Variants in LY75 observed in about 807,000 individuals in gnomAD.
LY75 encodes the protein C-type lectin domain family 13 member B.
In LY75, 185 loss-of-function variants were observed where a neutral mutation model predicts 231.7. That is an observed-to-expected ratio of 0.80 (90% CI 0.71 to 0.90). LY75 has a LOEUF of 0.90. Ranked by LOEUF, LY75 falls within the 40% of genes least tolerant of loss-of-function variation. The pLI is 0.00. For synonymous variants in LY75, 668 were observed against 689.0 expected, an observed-to-expected ratio of 0.97 and a Z score of 0.48; for missense variants, 1,947 against 2,050.2, an observed-to-expected ratio of 0.95 and a Z score of 0.97.
intron 1 of LY75, 91 bp downstream of exon 1, chr2:159,904,498 C>T: frequency 7.4e-7 from 1 of 1,352,668 alleles, no homozygotes; most frequent in South Asian, 1.5e-5. Context: ...TGACCTGCCC[C>T]AGGGGCGCAG....
intron 8 of LY75, among the ~76,000 whole-genome samples, chr2:159,880,527 C>A (rs1304529657): frequency 6.6e-6 from 1 of 152,172 alleles, no homozygotes; most frequent in Non-Finnish European, 1.5e-5. Context: ...AATCAGTCAG[C>A]ACAAGAATGT....
chr2:159,819,588 C>T lies in LY75; in HGVS notation c.4153+138G>A, dbSNP rs1683225223. ...ACAGCAGGGCCCGTATCTTTTCCTT[C>T]CTCGATAACCTCTGTAACACCTCGC... On this transcript the variant is annotated intron_variant, in intron 29 of 34. Coordinates refer to ENST00000263636, the MANE Select transcript of LY75 (RefSeq NM_002349.4). 3 of 1,058,546 alleles carry T rather than the reference C, an allele frequency of 2.8e-6. No individual in the cohort carries two copies. The East Asian group carries it at 7.8e-5, about 28-fold the overall frequency. The allele number at this position is 1,058,546 out of a possible 1,614,324, so 65.6% of individuals were successfully genotyped here.
intron 28 of LY75, among the ~76,000 whole-genome samples, chr2:159,826,580 T>G (rs1683475688): frequency 6.6e-6 from 1 of 152,180 alleles, no homozygotes; most frequent in Admixed American, 6.5e-5. Context: ...TACCACTGAC[T>G]TTCTTCACAG....
chr2:159,807,839 G>A, intron 33 of LY75: 1 of 976,550 alleles, frequency 1.0e-6, no homozygotes, highest in Middle Eastern at 5.3e-4. Context: ...CCTAAACCCT[G>A]TATCTACTAT....
intron 12 of LY75, 26 bp downstream of exon 12, chr2:159,875,418 A>G (rs755845493): frequency 6.2e-7 from 1 of 1,604,724 alleles, no homozygotes; most frequent in East Asian, 2.2e-5. Context: ...ACTTCATTGA[A>G]GGATAGAATG....
At position 159,850,083 on chromosome 2, in the gene LY75, C is replaced by T; in HGVS notation, c.3047G>A (p.Trp1016Ter). 4 of 1,613,816 alleles carry T rather than the reference C, an allele frequency of 2.5e-6. No individual in the cohort carries two copies. The highest frequency in any genetic ancestry group is 3.4e-6 in the Non-Finnish European group (4 of 1,179,904). ...MEATLWIGLR[W>*]TAYEKINKWT... is the part of the protein sequence containing the mutation. ...TTTGTTTATCTTTTCATAGGCAGTC[C>T]AGCGCAAACCAATCCATAAAGTAGC... Residue 1016 changes from tryptophan (W) to a stop codon, truncating the protein, a stop_gained, in exon 23 of 35, where the codon TGG (tryptophan) becomes TAG (stop). Transcript: ENST00000263636. LOFTEE classifies it high-confidence loss of function.
In LY75 at chr2:159,810,589, A is replaced by T. The variant is rs1682929503; in HGVS notation, c.4636T>A (p.Cys1546Ser). 6.2e-7 allele frequency: 1 copy of T among 1,614,202 alleles called. No individual in the cohort carries two copies. The highest frequency in any genetic ancestry group is 8.5e-7 in the Non-Finnish European group (1 of 1,180,020). The change falls in exon 32 of 35, where the codon TGT becomes AGT. Residue 1546 changes from cysteine to serine, a missense_variant. Coordinates refer to ENST00000263636, the MANE Select transcript of LY75 (RefSeq NM_002349.4). ...TGCAATGCCTGATCAGACTTGTAAC[A>T]GTGACCCTTGTACTGGATCCACCGT... The part of the protein sequence containing the change: ...GSRWIQYKGH[C>S]YKSDQALHSF...
intron 13 of LY75, among the ~76,000 whole-genome samples, chr2:159,870,009 C>A (rs1003878557): frequency 8.5e-5 from 13 of 152,192 alleles, no homozygotes; most frequent in African/African-American, 2.9e-4. Flanking sequence ...TAACACTGGA[C>A]AATGATGTCT....
intron 3 of LY75, among the ~76,000 whole-genome samples, chr2:159,891,027 C>T (rs765838336): frequency 6.6e-6 from 1 of 152,028 alleles, no homozygotes; most frequent in Non-Finnish European, 1.5e-5. Flanking sequence ...AAGCTGTTTC[C>T]TGAATGAGAA....
In LY75 at chr2:159,840,810, C is replaced by G. The variant is rs145865267; in HGVS notation, c.3426G>C (p.Thr1142=). 1.2e-6 allele frequency: 2 copies of G among 1,613,934 alleles called. No individual in the cohort carries two copies. The highest frequency in any genetic ancestry group is 2.7e-5 in the African/African-American group (2 of 74,880). Residue 1142 remains threonine (T), a synonymous_variant, in exon 25 of 35, where the codon ACG becomes ACC. Transcript: ENST00000263636. ...TGAGGAATGCCTGCTGGTAAGGGTC[C>G]GTGATGCTCACCAGCTGCATGTTAC... ...LKSNMQLVSI[T]DPYQQAFLSV...
intron 15 of LY75, among the ~76,000 whole-genome samples, chr2:159,859,329 T>C (rs1280327206): frequency 2.0e-5 from 3 of 152,230 alleles, no homozygotes; most frequent in Non-Finnish European, 2.9e-5. Flanking sequence ...TCAGTTCTTA[T>C]ATCCCTCAGC....
chr2:159,852,445 T>C (rs1574559063), intron 20 of LY75, 105 bp from the exon 21 acceptor site: 13 of 1,458,060 alleles, frequency 8.9e-6, no homozygotes, highest in East Asian at 4.7e-5. Context: ...TGAGACAGAG[T>C]CTCGCTCTGT....
At chr2:159,882,426 T>C in intron 6 of LY75, 111 bp from the exon 7 acceptor site, 1 of 1,410,306 alleles carries the variant, frequency 7.1e-7, no homozygotes, top group Non-Finnish European at 9.5e-7. Flanking sequence ...ACTGGGGACG[T>C]GATGTCAGAT....
At chr2:159,854,573 T>TAACATCTTTTGTG in intron 17 of LY75, 38 bp from the exon 18 acceptor site, 1 of 1,600,840 alleles carries the variant, frequency 6.2e-7, no homozygotes, top group Non-Finnish European at 8.5e-7. Context: ...ATTATGACTA[T>TAACATCTTTTGTG]GCAAAGCAAA....
chr2:159,886,525 CT>C lies in LY75; in HGVS notation c.807del (p.Glu270LysfsTer11). 6.3e-7 allele frequency: 1 copy of C among 1,597,556 alleles called. No individual in the cohort carries two copies. On this transcript the variant is annotated frameshift_variant, in exon 5 of 35. Transcript: ENST00000263636. LOFTEE classifies it high-confidence loss of function. ...SAAELTYLKE[K>X]EGIAKIFWIG... ...ATCCAGAAAATCTTAGCAATGCCTT[CT>C]TTTTCTGTAAGAATTAAAAAATTTT...
intron 28 of LY75, among the ~76,000 whole-genome samples, chr2:159,829,708 G>A (rs1683588872): frequency 6.6e-6 from 1 of 152,112 alleles, no homozygotes; most frequent in African/African-American, 2.4e-5. Context: ...AAGTCAGTAA[G>A]AATGAGATTC....
chr2:159,833,967 C>A, intron 27 of LY75, 77 bp downstream of exon 27: 1 of 1,500,740 alleles, frequency 6.7e-7, no homozygotes, highest in Non-Finnish European at 8.9e-7. Flanking sequence ...GGCCATTAAA[C>A]CTCTTTTTCT....
Position 159,815,445 on chromosome 2 carries a change from G to A in LY75, c.4509C>T (p.Asn1503=). Residue 1503 remains asparagine, a synonymous_variant, in exon 31 of 35, where the codon AAC becomes AAT. Coordinates refer to ENST00000263636, the MANE Select transcript of LY75 (RefSeq NM_002349.4). ...AACAAATAGCACCATCCTTAACAGA[G>A]TTGCATTTTTCATGTTTCCAAGTTC... ...PKGTWKHEKC[N]SVKDGAICYK... 6.2e-7 allele frequency: 1 copy of A among 1,612,790 alleles called. No homozygotes were observed. The highest frequency in any genetic ancestry group is 8.5e-7 in the Non-Finnish European group (1 of 1,179,680).
chr2:159,808,052 T>C (rs1381005186), intron 33 of LY75: 2 of 970,930 alleles, frequency 2.1e-6, no homozygotes, highest in Non-Finnish European at 2.4e-6. Context: ...AGAAGATAAC[T>C]TTCTGAATAA....
Sources: allele counts gnomAD v4.1 joint callset (sites outside exome capture counted in the v4.1 genomes callset), GRCh38; gene constraint gnomAD v4.1.1; transcripts MANE v1.5; gene names NCBI Gene and HGNC (gene_info 2026-07-23, HGNC 2026-07-21).